Variants in PDE11A observed in about 807,000 individuals in gnomAD.
The protein encoded by PDE11A is phosphodiesterase 11A.
A neutral mutation model predicts 100.5 loss-of-function variants in PDE11A; 100 were observed. That is an observed-to-expected ratio of 1.00 (90% CI 0.85 to 1.18). PDE11A has a LOEUF of 1.18. Ranked by LOEUF, PDE11A falls within the 50% of genes most tolerant of loss-of-function variation. The pLI, the probability that PDE11A is intolerant of heterozygous loss-of-function variation, is 0.00. For missense variants in PDE11A, 1,141 were observed against 1,152.6 expected (o/e 0.99, Z 0.15); for synonymous variants, 381 against 420.8 (o/e 0.91, Z 1.16).
At chr2:177,730,467 TTTC>T (rs750488747) in intron 10 of PDE11A, among the ~76,000 whole-genome samples, 2 of 152,172 alleles carry the variant, frequency 1.3e-5, no homozygotes, top group Non-Finnish European at 2.9e-5. Flanking sequence ...CTGGTTTGTC[TTTC>T]TTTTCTTTTT....
intron 2 of PDE11A, among the ~76,000 whole-genome samples, chr2:177,924,558 G>T (rs1322929686): frequency 1.3e-5 from 2 of 152,094 alleles, no homozygotes; most frequent in Non-Finnish European, 2.9e-5. Context: ...TGAACTCCTT[G>T]ATATCAGAGT....
At chr2:178,007,954 C>T (rs1219350812) in intron 2 of PDE11A, among the ~76,000 whole-genome samples, 3 of 152,094 alleles carry the variant, frequency 2.0e-5, no homozygotes, top group Non-Finnish European at 4.4e-5. Context: ...GATCTGCCTG[C>T]CTCGGCCTCC....
At position 178,046,410 on chromosome 2, in the gene PDE11A, G is replaced by A. The variant is rs13427929; in HGVS notation, c.912+25116C>T. Among the ~76,000 whole-genome samples the A allele has an allele frequency of 9.8e-3, 1,498 of 152,310 alleles. 20 individuals carry two copies. Among genetic ancestry groups the A allele is most frequent in the African/African-American group, 0.034 (1,424 of 41,564 alleles). ...AAATCTTACAGTGTGAAACAATCAT[G>A]GAGTAGATTGTCTAAGAAATTATAG... On this transcript the variant is annotated intron_variant, in intron 1 of 19. Coordinates refer to ENST00000286063, the MANE Select transcript of PDE11A (RefSeq NM_016953.4).
chr2:177,789,068 C>T (rs868548529), intron 9 of PDE11A, among the ~76,000 whole-genome samples: 1 of 152,158 alleles, frequency 6.6e-6, no homozygotes, highest in East Asian at 1.9e-4. Context: ...ATACCAAAGC[C>T]GGGCAGAGAC....
intron 4 of PDE11A, among the ~76,000 whole-genome samples, chr2:177,879,007 A>G (rs2084286970): frequency 6.6e-6 from 1 of 152,204 alleles, no homozygotes; most frequent in African/African-American, 2.4e-5. Flanking sequence ...TTCAAAATTG[A>G]GCAGGACATT....
rs2105545465 is a variant in PDE11A at position 177,703,493 on chromosome 2, T to C, written c.2154-2282A>G. ...TGATTCTCCATTTTTACTAAGCTGA[T>C]TGTTATCAATGAAAGAAGATTTCAA... On this transcript the variant is annotated intron_variant, in intron 13 of 19. Transcript: ENST00000286063. 1.3e-5 allele frequency among the ~76,000 whole-genome samples: 2 copies of C among 151,560 alleles called. 1 individual carries two copies. The highest frequency in any genetic ancestry group is 4.1e-4 in the South Asian group (2 of 4,832).
chr2:178,032,753 G>A (rs1436587014), intron 1 of PDE11A, among the ~76,000 whole-genome samples: 5 of 152,144 alleles, frequency 3.3e-5, no homozygotes, highest in Non-Finnish European at 5.9e-5. Flanking sequence ...ATACCCAGGC[G>A]AACAGGGTCT....
intron 2 of PDE11A, among the ~76,000 whole-genome samples, chr2:177,930,357 G>C (rs941939583): frequency 6.6e-6 from 1 of 152,002 alleles, no homozygotes; most frequent in Non-Finnish European, 1.5e-5. Context: ...TGGCTACCTT[G>C]CAAGTAAACA....
intron 2 of PDE11A, among the ~76,000 whole-genome samples, chr2:178,098,661 G>A (rs966732879): frequency 6.6e-6 from 1 of 151,914 alleles, no homozygotes; most frequent in Non-Finnish European, 1.5e-5. Flanking sequence ...TTAGTTGGTA[G>A]AGGGACAGGA....
chr2:177,881,707 A>G (rs1174988426), intron 4 of PDE11A, among the ~76,000 whole-genome samples: 2 of 152,264 alleles, frequency 1.3e-5, no homozygotes, highest in African/African-American at 4.8e-5. Context: ...ACCTGTTTTT[A>G]TTAATAAAGT....
At position 177,712,826 on chromosome 2, in the gene PDE11A, A is replaced by C. The variant is rs570805773; in HGVS notation, c.2044-948T>G. ...CATTACTTATTAAAATCTTTATCAG[A>C]GAGTGGGAGGAGGGGGAGGATTAGG... On this transcript the variant is annotated intron_variant, in intron 12 of 19. Transcript: ENST00000286063. Among the ~76,000 whole-genome samples the C allele has an allele frequency of 2.0e-5, 3 of 152,264 alleles. No individual in the cohort carries two copies. In the East Asian group the frequency reaches 5.8e-4, roughly 29 times the overall value.
chr2:177,664,046 C>T, intron 18 of PDE11A, 97 bp from the exon 19 acceptor site: 1 of 747,362 alleles, frequency 1.3e-6, no homozygotes, highest in Non-Finnish European at 2.4e-6. Flanking sequence ...ATTTTTTTTA[C>T]AAACTGAACC....
intron 1 of PDE11A, among the ~76,000 whole-genome samples, chr2:178,044,727 T>C (rs139551693): frequency 1.8e-4 from 28 of 152,312 alleles, no homozygotes; most frequent in African/African-American, 5.8e-4. Context: ...AATTAGGTAG[T>C]ATGTGGTGAA....
intron 2 of PDE11A, among the ~76,000 whole-genome samples, chr2:178,009,435 T>A (rs59774490): frequency 6.6e-6 from 1 of 152,338 alleles, no homozygotes; most frequent in East Asian, 1.9e-4. Flanking sequence ...ATTATTAATA[T>A]GTGAATATAG....
At chr2:177,745,083 C>T (rs1463328691) in intron 10 of PDE11A, among the ~76,000 whole-genome samples, 1 of 152,148 alleles carries the variant, frequency 6.6e-6, no homozygotes, top group Non-Finnish European at 1.5e-5. Context: ...TTTTATATTG[C>T]CCCAGCATTT....
intron 4 of PDE11A, among the ~76,000 whole-genome samples, chr2:177,877,922 A>G (rs1251727347): frequency 6.6e-6 from 1 of 152,216 alleles, no homozygotes; most frequent in Non-Finnish European, 1.5e-5. Flanking sequence ...CATGCTTCAA[A>G]GGCCTTTTAA....
chr2:177,763,489 G>C (rs1017237444), intron 10 of PDE11A, among the ~76,000 whole-genome samples: 5 of 152,182 alleles, frequency 3.3e-5, no homozygotes, highest in African/African-American at 1.2e-4. Flanking sequence ...ACAAGACAAA[G>C]CTCCTGCCCT....
chr2:177,660,934 G>A (rs960549850), intron 19 of PDE11A, among the ~76,000 whole-genome samples: 12 of 152,170 alleles, frequency 7.9e-5, no homozygotes, highest in Admixed American at 7.9e-4. Flanking sequence ...ACCCGCCCCT[G>A]CCAAACTCGC....
At chr2:178,036,566 A>G (rs1045850037) in intron 1 of PDE11A, among the ~76,000 whole-genome samples, 2 of 152,182 alleles carry the variant, frequency 1.3e-5, no homozygotes, top group African/African-American at 4.8e-5. Flanking sequence ...TATAGCCAAG[A>G]CAATCCTAAG....
Sources: gnomAD v4.1 joint callset for allele counts (sites outside exome capture counted in the v4.1 genomes callset) on GRCh38, gnomAD v4.1.1 for gene constraint, MANE v1.5 for transcripts, NCBI Gene and HGNC (gene_info 2026-07-23, HGNC 2026-07-21) for gene names.